HSPA4L: variants seen among roughly 807,000 people sequenced by gnomAD.
HSPA4L encodes heat shock 70 kDa protein 4L.
In HSPA4L, 48 loss-of-function variants were observed where a neutral mutation model predicts 100.3. That is an observed-to-expected ratio of 0.48 (90% CI 0.38 to 0.61). The LOEUF (loss-of-function observed/expected upper bound fraction) is 0.61. Among genes scored for constraint, HSPA4L ranks in the 20% least tolerant of loss-of-function variants. HSPA4L has a pLI of 0.00. For missense variants in HSPA4L, 886 were observed against 988.6 expected (o/e 0.90, Z 1.39); for synonymous variants, 319 against 328.2 (o/e 0.97, Z 0.30).
intron 1 of HSPA4L, among the ~76,000 whole-genome samples, chr4:127,793,812 C>G (rs1732941904): frequency 6.6e-6 from 1 of 152,124 alleles, no homozygotes; most frequent in South Asian, 2.1e-4. Flanking sequence ...GGTCATAGAT[C>G]AGTGTAATTT....
Position 127,833,922 on chromosome 4 carries a change from A to G in HSPA4L, c.*1048A>G, listed in dbSNP as rs1319635990. ...AATAATGTTTGTAATAAACTTAACT[A>G]TGTTACATATCAACAGGCAAAAATA... On this transcript the variant is annotated 3_prime_UTR_variant, in exon 19 of 19. Transcript: ENST00000296464. 6.6e-6 allele frequency: 1 copy of G among 152,214 alleles called. No homozygotes were observed. The highest frequency in any genetic ancestry group is 1.5e-5 in the Non-Finnish European group (1 of 68,016). The allele number at this position is 152,214 out of a possible 1,614,324, so 9.4% of individuals were successfully genotyped here. A position where few individuals can be genotyped will look rare whatever the true frequency, so the allele number is the denominator to read the frequency against.
chr4:127,782,129 A>G (rs919273037), upstream of HSPA4L: 13 of 450,684 alleles, frequency 2.9e-5, no homozygotes, highest in African/African-American at 2.4e-4. Context: ...CGGATAGCTC[A>G]GCAGCCTCCA....
chr4:127,811,377 A>G, intron 11 of HSPA4L, 60 bp from the exon 12 acceptor site: 1 of 1,264,702 alleles, frequency 7.9e-7, no homozygotes, highest in South Asian at 1.3e-5. Context: ...CAAATTATTC[A>G]ATGAATTGAA....
chr4:127,784,308 A>T (rs941783124), intron 1 of HSPA4L, among the ~76,000 whole-genome samples: 1 of 152,248 alleles, frequency 6.6e-6, no homozygotes, highest in African/African-American at 2.4e-5. Context: ...AGAAAGATCG[A>T]TCTGCATTTC....
At chr4:127,811,177 T>C in intron 11 of HSPA4L, among the ~76,000 whole-genome samples, 1 of 116,646 alleles carries the variant, frequency 8.6e-6, no homozygotes, top group East Asian at 2.2e-4. Context: ...AAATTCCCAG[T>C]GCTTTTTTTT....
intron 1 of HSPA4L, among the ~76,000 whole-genome samples, chr4:127,793,340 A>G (rs1396342450): frequency 1.3e-5 from 2 of 152,198 alleles, no homozygotes; most frequent in African/African-American, 2.4e-5. Flanking sequence ...TTTTTTTTCA[A>G]TAGACTATAC....
At chr4:127,787,158 A>G (rs112100588) in intron 1 of HSPA4L, among the ~76,000 whole-genome samples, 30 of 152,314 alleles carry the variant, frequency 2.0e-4, no homozygotes, top group African/African-American at 5.5e-4. Flanking sequence ...CTGTTTAAAC[A>G]CTGTTTCAGA....
rs1249077914 is a variant in HSPA4L at position 127,836,401 on chromosome 4, C to T, written c.*3527C>T. 1.9e-5 allele frequency: 3 copies of T among 157,086 alleles called. No individual in the cohort carries two copies. The East Asian group carries it at 5.6e-4, about 29-fold the overall frequency. The allele number at this position is 157,086 out of a possible 1,614,324, so 9.7% of individuals were successfully genotyped here. A position where few individuals can be genotyped will look rare whatever the true frequency, so the allele number is the denominator to read the frequency against. ...ACAAAACAAAAACATAAAAGGAAAA[C>T]AAGACATTTACTAAGAAGAGCTAAA... On this transcript the variant is annotated 3_prime_UTR_variant, in exon 19 of 19. Transcript: ENST00000296464.
intron 16 of HSPA4L, among the ~76,000 whole-genome samples, chr4:127,824,346 G>A (rs1223088116): frequency 2.0e-5 from 3 of 152,008 alleles, no homozygotes; most frequent in African/African-American, 7.2e-5. Flanking sequence ...TATTTTCTTT[G>A]GATAGATACA....
At chr4:127,820,375 A>G (rs936268840) in intron 13 of HSPA4L, 53 bp from the exon 14 acceptor site, 7 of 1,480,318 alleles carry the variant, frequency 4.7e-6, no homozygotes, top group Non-Finnish European at 6.4e-6. Context: ...TTACCTCTTA[A>G]ATCTATTTTT....
At position 127,811,549 on chromosome 4, in the gene HSPA4L, A is replaced by G. The variant is rs1158788461; in HGVS notation, c.1491A>G (p.Val497=). The G allele has an allele frequency of 1.9e-6, 3 of 1,614,012 alleles. No individual in the cohort carries two copies. In the East Asian group the frequency reaches 6.7e-5, roughly 36 times the overall value. ...HGIFSVASAS[V]IEKQNLEGDH... ...TCTTCAGTGTGGCTAGCGCATCAGTAATTGAGAAGCAAAATTTGGAAGGCG... is the reference window on the plus strand; with the variant it reads ...TCTTCAGTGTGGCTAGCGCATCAGTGATTGAGAAGCAAAATTTGGAAGGCG... The change falls in exon 12 of 19, where the codon GTA becomes GTG. Residue 497 remains valine, a synonymous_variant. Coordinates refer to ENST00000296464, the MANE Select transcript of HSPA4L (RefSeq NM_014278.4).
In HSPA4L at chr4:127,811,528, C is replaced by T; in HGVS notation, c.1470C>T (p.Phe490=). ...TTCGTGTTAACATCCATGGAATCTT[C>T]AGTGTGGCTAGCGCATCAGTAATTG... The part of the protein sequence containing the change: ...VKVRVNIHGI[F]SVASASVIEK... The change falls in exon 12 of 19, where the codon TTC becomes TTT. Residue 490 remains phenylalanine, a synonymous_variant. Coordinates refer to ENST00000296464, the MANE Select transcript of HSPA4L (RefSeq NM_014278.4). 1 of 1,613,878 alleles carries T rather than the reference C, an allele frequency of 6.2e-7. No individual in the cohort carries two copies. Among genetic ancestry groups the T allele is most frequent in the Non-Finnish European group, 8.5e-7 (1 of 1,179,878 alleles).
Position 127,828,494 on chromosome 4 carries a change from TA to T in HSPA4L, c.2166+1072del, listed in dbSNP as rs542742143. On this transcript the variant is annotated intron_variant, in intron 17 of 18. Transcript: ENST00000296464. ...ACTTATTGAGGTTTACCCAAGTAGT[TA>T]ATGATGGAATCAACATTCAAACCTA... Among the ~76,000 whole-genome samples, 54 of 152,230 alleles carry T rather than the reference TA, an allele frequency of 3.5e-4. 1 individual carries two copies. The South Asian group carries it at 0.011, about 30-fold the overall frequency.
chr4:127,806,100 G>C (rs1733350056), intron 10 of HSPA4L, among the ~76,000 whole-genome samples: 1 of 151,814 alleles, frequency 6.6e-6, no homozygotes, highest in African/African-American at 2.4e-5. Context: ...ATTTTTAAAA[G>C]CTAGTTTATC....
Position 127,811,561 on chromosome 4 carries a change from A to G in HSPA4L, c.1503A>G (p.Gln501=). Residue 501 remains glutamine (Q), a synonymous_variant, in exon 12 of 19, where the codon CAA becomes CAG. Transcript: ENST00000296464. ...CTAGCGCATCAGTAATTGAGAAGCA[A>G]AATTTGGAAGGCGATCACAGTGATG... The part of the protein sequence containing the change: ...SVASASVIEK[Q]NLEGDHSDAP... 1 of 1,614,076 alleles carries G rather than the reference A, an allele frequency of 6.2e-7. No homozygotes were observed. Among genetic ancestry groups the G allele is most frequent in the Non-Finnish European group, 8.5e-7 (1 of 1,179,986 alleles).
intron 1 of HSPA4L, among the ~76,000 whole-genome samples, chr4:127,789,841 A>G (rs950338820): frequency 1.3e-5 from 2 of 152,236 alleles, no homozygotes; most frequent in Non-Finnish European, 2.9e-5. Context: ...TATTACTAAT[A>G]TAAAAGTTTT....
chr4:127,791,043 G>A (rs1003897249), intron 1 of HSPA4L, among the ~76,000 whole-genome samples: 3 of 152,034 alleles, frequency 2.0e-5, no homozygotes, highest in African/African-American at 7.2e-5. Flanking sequence ...CAAGGCCTCA[G>A]TGAGCCAAGA....
At chr4:127,787,542 A>G (rs574712504) in intron 1 of HSPA4L, among the ~76,000 whole-genome samples, 23 of 152,302 alleles carry the variant, frequency 1.5e-4, no homozygotes, top group African/African-American at 5.5e-4. Flanking sequence ...TAACAAAAGC[A>G]GAATTACATT....
intron 17 of HSPA4L, among the ~76,000 whole-genome samples, chr4:127,828,144 T>C (rs1733994843): frequency 6.6e-6 from 1 of 152,112 alleles, no homozygotes; most frequent in Admixed American, 6.5e-5. Context: ...ATACACAAAC[T>C]AATGGACATG....
Sources: gnomAD v4.1 joint callset for allele counts (sites outside exome capture counted in the v4.1 genomes callset) on GRCh38, gnomAD v4.1.1 for gene constraint, MANE v1.5 for transcripts, NCBI Gene and HGNC (gene_info 2026-07-23, HGNC 2026-07-21) for gene names.